The following AGBL4 variants were observed in gnomAD, a reference collection of about 807,000 sequenced individuals.
The protein encoded by AGBL4 is AGBL carboxypeptidase 4, also known as cytosolic carboxypeptidase 6.
AGBL4 carries 58 observed loss-of-function variants against 66.4 expected under a neutral mutation model. That is an observed-to-expected ratio of 0.87 (90% CI 0.71 to 1.09). AGBL4 has a LOEUF of 1.09. Ranked by LOEUF, AGBL4 falls within the 50% of genes least tolerant of loss-of-function variation. The pLI is 0.00. For missense variants in AGBL4, 579 were observed against 631.0 expected (o/e 0.92, Z 0.88); for synonymous variants, 234 against 222.9 (o/e 1.05, Z -0.44).
At chr1:48,824,631 A>AGAT (rs1404903382) in intron 6 of AGBL4, among the ~76,000 whole-genome samples, 2 of 152,190 alleles carry the variant, frequency 1.3e-5, no homozygotes, top group Non-Finnish European at 2.9e-5. Context: ...TAGCATGCCT[A>AGAT]GATTTGCTCT....
At chr1:48,990,846 A>C (rs2148977728) in intron 5 of AGBL4, among the ~76,000 whole-genome samples, 1 of 152,322 alleles carries the variant, frequency 6.6e-6, no homozygotes, top group Middle Eastern at 3.4e-3. Flanking sequence ...CTAACACACA[A>C]GCAAAGGGAC....
chr1:49,875,897 C>G (rs1335058749), intron 1 of AGBL4, among the ~76,000 whole-genome samples: 2 of 150,166 alleles, frequency 1.3e-5, no homozygotes, highest in Non-Finnish European at 1.5e-5. Context: ...TTGCATTTCT[C>G]TGATGGCCAG....
intron 8 of AGBL4, among the ~76,000 whole-genome samples, chr1:48,644,494 C>G (rs1481921340): frequency 6.6e-6 from 1 of 152,130 alleles, no homozygotes; most frequent in Non-Finnish European, 1.5e-5. Flanking sequence ...TTCCCCAGTG[C>G]ATGGTACAAA....
intron 4 of AGBL4, among the ~76,000 whole-genome samples, chr1:49,046,597 C>T (rs1022440202): frequency 8.5e-5 from 13 of 152,106 alleles, no homozygotes; most frequent in Non-Finnish European, 1.9e-4. Context: ...TTACTCTACC[C>T]TCTCATTATT....
intron 4 of AGBL4, among the ~76,000 whole-genome samples, chr1:49,086,526 G>C (rs1364345139): frequency 1.3e-5 from 2 of 152,104 alleles, no homozygotes; most frequent in Non-Finnish European, 2.9e-5. Context: ...CTGGACAACA[G>C]AGCAGACAAC....
chr1:50,012,160 C>G (rs1202101534), intron 1 of AGBL4, among the ~76,000 whole-genome samples: 2 of 132,910 alleles, frequency 1.5e-5, no homozygotes, highest in African/African-American at 5.8e-5. Flanking sequence ...AGCGAGACTC[C>G]GTCTCAAAAA....
intron 3 of AGBL4, among the ~76,000 whole-genome samples, chr1:49,258,973 C>T (rs1285600601): frequency 2.6e-5 from 4 of 152,174 alleles, no homozygotes; most frequent in African/African-American, 4.8e-5. Flanking sequence ...AGAAACTCTA[C>T]AAGCCAGAAG....
Position 49,151,201 on chromosome 1 carries a change from G to A in AGBL4, c.377+94569C>T, listed in dbSNP as rs1038093513. 4.7e-5 allele frequency among the ~76,000 whole-genome samples: 7 copies of A among 148,852 alleles called. No homozygotes were observed. The East Asian group carries it at 9.9e-4, about 21-fold the overall frequency. ...GGAGAATGGCATGAACCTGGGAGGCGAAGCTTGCAGTGAGCCGAGATCGTG... is the reference window on the plus strand; with the variant it reads ...GGAGAATGGCATGAACCTGGGAGGCAAAGCTTGCAGTGAGCCGAGATCGTG... On this transcript the variant is annotated intron_variant, in intron 4 of 13. Transcript: ENST00000371839.
chr1:49,560,195 A>T (rs1644003188), intron 3 of AGBL4, among the ~76,000 whole-genome samples: 1 of 152,144 alleles, frequency 6.6e-6, no homozygotes, highest in Non-Finnish European at 1.5e-5. Context: ...TTCAAAATAG[A>T]TGTGTTGAGG....
chr1:48,598,138 G>T (rs1040392809), intron 9 of AGBL4, among the ~76,000 whole-genome samples: 2 of 152,192 alleles, frequency 1.3e-5, no homozygotes, highest in African/African-American at 2.4e-5. Context: ...GGCCTTGAAG[G>T]CCAGGGTTAG....
chr1:49,831,145 A>C lies in AGBL4; in HGVS notation c.157+20251T>G, dbSNP rs141355603. Among the ~76,000 whole-genome samples the C allele has an allele frequency of 1.1e-3, 171 of 152,320 alleles. 1 individual carries two copies. The highest frequency in any genetic ancestry group is 3.5e-3 in the Admixed American group (54 of 15,300). On this transcript the variant is annotated intron_variant, in intron 2 of 13. Transcript: ENST00000371839. ...AGTAGTTTTTTCTAATTCTGTGAAG[A>C]AAGTCAATGGTAGTTTGATGGGGAT...
chr1:48,946,851 AAAGT>A (rs1228407176), intron 5 of AGBL4, among the ~76,000 whole-genome samples: 2 of 152,160 alleles, frequency 1.3e-5, no homozygotes, highest in Non-Finnish European at 2.9e-5. Context: ...GGAGGAAGTA[AAAGT>A]AAAGCCAGTC....
At chr1:49,367,818 A>G (rs1235757160) in intron 3 of AGBL4, among the ~76,000 whole-genome samples, 1 of 152,228 alleles carries the variant, frequency 6.6e-6, no homozygotes, top group Non-Finnish European at 1.5e-5. Context: ...AGTGGCACCT[A>G]AGACATTCAC....
intron 6 of AGBL4, among the ~76,000 whole-genome samples, chr1:48,710,682 T>C (rs943483832): frequency 6.6e-6 from 1 of 152,192 alleles, no homozygotes; most frequent in Non-Finnish European, 1.5e-5. Context: ...GTCCCTCTTT[T>C]CTTTCAGTGT....
intron 3 of AGBL4, among the ~76,000 whole-genome samples, chr1:49,656,243 C>T (rs1322367352): frequency 6.6e-6 from 1 of 152,050 alleles, no homozygotes; most frequent in African/African-American, 2.4e-5. Context: ...CGCAAATAAA[C>T]TAGAAAATCT....
chr1:49,866,707 T>C (rs187596390), intron 1 of AGBL4, among the ~76,000 whole-genome samples: 28 of 152,162 alleles, frequency 1.8e-4, no homozygotes, highest in Admixed American at 5.2e-4. Context: ...GAGGTTGCAA[T>C]GAGCCGAGAT....
At chr1:49,302,206 C>T (rs1215937327) in intron 3 of AGBL4, among the ~76,000 whole-genome samples, 1 of 151,452 alleles carries the variant, frequency 6.6e-6, no homozygotes, top group Non-Finnish European at 1.5e-5. Context: ...AAAAAAAAAA[C>T]TCTTGAAATT....
chr1:49,881,849 C>A (rs984742970), intron 1 of AGBL4, among the ~76,000 whole-genome samples: 1 of 151,660 alleles, frequency 6.6e-6, no homozygotes, highest in Non-Finnish European at 1.5e-5. Context: ...CCTGTTCACT[C>A]TGATGGTAGT....
At chr1:48,652,590 C>A (rs1645948453) in intron 8 of AGBL4, among the ~76,000 whole-genome samples, 1 of 152,128 alleles carries the variant, frequency 6.6e-6, no homozygotes, top group African/African-American at 2.4e-5. Context: ...CGAACGAGCT[C>A]TAAAACTGTA....
Sources: allele counts gnomAD v4.1 joint callset (sites outside exome capture counted in the v4.1 genomes callset), GRCh38; gene constraint gnomAD v4.1.1; transcripts MANE v1.5; gene names NCBI Gene and HGNC (gene_info 2026-07-23, HGNC 2026-07-21).